Variants in SPATA6 observed in about 807,000 individuals in gnomAD.
SPATA6 encodes the protein spermatogenesis-associated protein 6.
Under a neutral mutation model 65.3 loss-of-function variants are expected in SPATA6, and 56 were observed. That is an observed-to-expected ratio of 0.86 (90% CI 0.69 to 1.07). The LOEUF (loss-of-function observed/expected upper bound fraction) is 1.07, where lower values mean the gene tolerates loss of function less well. Among genes scored for constraint, SPATA6 ranks in the 50% least tolerant of loss-of-function variants. SPATA6 has a pLI of 0.00. For missense variants in SPATA6, 590 were observed against 594.8 expected (o/e 0.99, Z 0.08); for synonymous variants, 199 against 213.2 (o/e 0.93, Z 0.58).
intron 3 of SPATA6, chr1:48,436,347 T>G: frequency 6.2e-7 from 1 of 1,612,312 alleles, no homozygotes; most frequent in South Asian, 1.1e-5. Context: ...CAGTTTTCAC[T>G]GTTGGCAGCT....
At chr1:48,471,907 A>G (rs1390616980) in intron 1 of SPATA6, 51 bp downstream of exon 1, 4 of 1,598,416 alleles carry the variant, frequency 2.5e-6, no homozygotes, top group Non-Finnish European at 8.5e-7. Context: ...GAGGTGACTG[A>G]GGGAGTCCCT....
At chr1:48,311,024 G>C (rs1645194043) in intron 11 of SPATA6, among the ~76,000 whole-genome samples, 1 of 152,030 alleles carries the variant, frequency 6.6e-6, no homozygotes, top group Admixed American at 6.5e-5. Context: ...AATGCTTCAA[G>C]AGAAATTTAA....
chr1:48,336,661 AG>A (rs1433433622), intron 11 of SPATA6, among the ~76,000 whole-genome samples: 2 of 151,794 alleles, frequency 1.3e-5, no homozygotes, highest in Non-Finnish European at 3.0e-5. Flanking sequence ...GAGAAGTTCA[AG>A]AAAAAAAAAA....
At chr1:48,263,319 G>A in the SPATA6 span, 1 of 103,054 alleles carries the variant, frequency 9.7e-6, no homozygotes, top group East Asian at 4.4e-4. Flanking sequence ...TAAAAGTTCA[G>A]CTGAAATTGG....
Position 48,347,238 on chromosome 1 carries a change from G to A in SPATA6, c.1194+8432C>T, listed in dbSNP as rs573329359. Among the ~76,000 whole-genome samples the A allele has an allele frequency of 1.9e-3, 292 of 151,844 alleles. 3 individuals carry two copies. Among genetic ancestry groups the A allele is most frequent in the African/African-American group, 6.7e-3 (278 of 41,442 alleles). The stretch of plus-strand genomic sequence containing the variant: ...GGAAGGGATTCACTATTCAATAAAT[G>A]GTGCTGCGATGACTGGCAAGCCAAA... On this transcript the variant is annotated intron_variant, in intron 11 of 12. Coordinates refer to ENST00000371847, the MANE Select transcript of SPATA6 (RefSeq NM_019073.4).
chr1:48,296,696 T>A lies in SPATA6; in HGVS notation c.*2017A>T, dbSNP rs1264617131. 3 of 152,152 alleles carry A rather than the reference T, an allele frequency of 2.0e-5. No homozygotes were observed. Among genetic ancestry groups the A allele is most frequent in the African/African-American group, 7.2e-5 (3 of 41,452 alleles). The allele number at this position is 152,152 out of a possible 1,614,324, so 9.4% of individuals were successfully genotyped here. ...TCAATGTTGACCTTCAAAAGCTGAT[T>A]GTAAAATACCTCATCATATAATCTA... On this transcript the variant is annotated 3_prime_UTR_variant, in exon 13 of 13. Transcript: ENST00000371847.
intron 3 of SPATA6, among the ~76,000 whole-genome samples, chr1:48,427,739 G>T (rs144739862): frequency 1.0e-3 from 156 of 152,196 alleles, no homozygotes; most frequent in African/African-American, 3.7e-3. Flanking sequence ...TAACTTAGAG[G>T]GTACATGTGC....
downstream of SPATA6, among the ~76,000 whole-genome samples, chr1:48,293,862 A>G (rs894738997): frequency 6.6e-6 from 1 of 152,180 alleles, no homozygotes; most frequent in Non-Finnish European, 1.5e-5. Context: ...GTTTCTGTTT[A>G]TCTCTGGGTT....
At chr1:48,465,094 C>A (rs747052395) in intron 1 of SPATA6, among the ~76,000 whole-genome samples, 1 of 151,880 alleles carries the variant, frequency 6.6e-6, no homozygotes. Flanking sequence ...TTACACATAA[C>A]CAATAAAGGT....
chr1:48,314,812 AAAAG>A (rs751932941), intron 11 of SPATA6, among the ~76,000 whole-genome samples: 4 of 152,192 alleles, frequency 2.6e-5, no homozygotes, highest in Non-Finnish European at 5.9e-5. Flanking sequence ...AATAAAGAAG[AAAAG>A]AGAGAAGAAT....
chr1:48,360,252 AT>A (rs1557609782), intron 9 of SPATA6, among the ~76,000 whole-genome samples: 1 of 151,982 alleles, frequency 6.6e-6, no homozygotes, highest in East Asian at 1.9e-4. Flanking sequence ...TTCTGGTAAA[AT>A]ATATATTCTA....
rs1374536322 is a variant in SPATA6 at position 48,324,597 on chromosome 1, T to C, written c.1195-18719A>G. 1.3e-5 allele frequency among the ~76,000 whole-genome samples: 2 copies of C among 152,080 alleles called. 1 individual carries two copies. Among genetic ancestry groups the C allele is most frequent in the South Asian group, 4.1e-4 (2 of 4,824 alleles). ...AACAGAATGAAGGACAAAAATCATA[T>C]AACCATTTCAATTAATACTAAAAAA... is the stretch of plus-strand genomic sequence containing the variant. On this transcript the variant is annotated intron_variant, in intron 11 of 12. Coordinates refer to ENST00000371847, the MANE Select transcript of SPATA6 (RefSeq NM_019073.4).
intron 10 of SPATA6, among the ~76,000 whole-genome samples, chr1:48,356,521 T>C (rs1162881143): frequency 6.8e-6 from 1 of 147,326 alleles, no homozygotes; most frequent in East Asian, 1.9e-4. Flanking sequence ...TTTTTTTTTT[T>C]TTTTTTTTTT....
intron 9 of SPATA6, among the ~76,000 whole-genome samples, chr1:48,360,211 T>C (rs1382940707): frequency 6.6e-6 from 1 of 152,082 alleles, no homozygotes; most frequent in Admixed American, 6.6e-5. Context: ...AAAAGACAAA[T>C]GAATAAATTC....
chr1:48,365,484 G>C (rs948101487), intron 9 of SPATA6, among the ~76,000 whole-genome samples: 1 of 152,122 alleles, frequency 6.6e-6, no homozygotes, highest in Non-Finnish European at 1.5e-5. Context: ...TTGAGCAGTG[G>C]TTTATAGTTC....
chr1:48,288,665 A>G, the SPATA6 span, among the ~76,000 whole-genome samples: 2 of 152,200 alleles, frequency 1.3e-5, no homozygotes, highest in African/African-American at 2.4e-5. Context: ...TGCTTTTCCA[A>G]TAGTCTTGGC....
the SPATA6 span, among the ~76,000 whole-genome samples, chr1:48,284,842 G>T: frequency 2.0e-5 from 3 of 152,136 alleles, no homozygotes; most frequent in Admixed American, 6.5e-5. Flanking sequence ...GTCAGCCAGA[G>T]CTCTCCTGTA....
chr1:48,397,037 A>G (rs1650659225), intron 7 of SPATA6, among the ~76,000 whole-genome samples: 1 of 151,686 alleles, frequency 6.6e-6, no homozygotes, highest in South Asian at 2.1e-4. Context: ...ATAAAAAGGA[A>G]TCAAGTACTG....
chr1:48,281,970 T>C, the SPATA6 span, among the ~76,000 whole-genome samples: 2 of 152,184 alleles, frequency 1.3e-5, no homozygotes, highest in Non-Finnish European at 2.9e-5. Context: ...AGCATGGTAC[T>C]GGTACCAAAA....
Sources: allele counts gnomAD v4.1 joint callset (sites outside exome capture counted in the v4.1 genomes callset), GRCh38; gene constraint gnomAD v4.1.1; transcripts MANE v1.5; gene names NCBI Gene and HGNC (gene_info 2026-07-23, HGNC 2026-07-21).